Variants in ABI3BP observed in about 807,000 individuals in gnomAD.
ABI3BP encodes ABI family member 3 binding protein, also known as target of Nesh-SH3.
Under a neutral mutation model 268.6 loss-of-function variants are expected in ABI3BP, and 216 were observed. The ratio of observed to expected loss-of-function variants is 0.80; its 90% confidence interval spans 0.72 to 0.90. The LOEUF (loss-of-function observed/expected upper bound fraction) is 0.90, where lower values mean the gene tolerates loss of function less well. Among genes scored for constraint, ABI3BP ranks in the 40% least tolerant of loss-of-function variants. ABI3BP has a pLI of 0.00. For synonymous variants in ABI3BP, 730 were observed against 730.0 expected, an observed-to-expected ratio of 1.00 and a Z score of 0.00; for missense variants, 2,090 against 2,182.4, an observed-to-expected ratio of 0.96 and a Z score of 0.84.
Position 100,926,407 on chromosome 3 carries a change from G to A in ABI3BP, c.154C>T (p.Pro52Ser). Reference protein sequence around the residue: ...SILLKFLRPSPNVKLEGLLLG... With the variant: ...SILLKFLRPSSNVKLEGLLLG... Reference sequence around the variant, plus strand: ...AGAAGACCTTCAAGCTTTACATTTGGACTTGGACGCAAGAACTTCAAGAGG... The same window carrying A: ...AGAAGACCTTCAAGCTTTACATTTGAACTTGGACGCAAGAACTTCAAGAGG... The change falls in exon 2 of 68, where the codon CCA (proline) becomes TCA (serine). Residue 52 changes from proline to serine, a missense_variant. Physicochemically the swap from Pro to Ser is moderately conservative, Grantham distance 74 (BLOSUM62 -1). Coordinates refer to ENST00000471714, the MANE Select transcript of ABI3BP (RefSeq NM_001375547.2). 1 of 1,613,424 alleles carries A rather than the reference G, an allele frequency of 6.2e-7. No homozygotes were observed. Among genetic ancestry groups the A allele is most frequent in the East Asian group, 2.2e-5 (1 of 44,856 alleles).
chr3:100,954,435 G>T (rs1223312870), intron 1 of ABI3BP, among the ~76,000 whole-genome samples: 1 of 151,976 alleles, frequency 6.6e-6, no homozygotes, highest in Non-Finnish European at 1.5e-5. Flanking sequence ...TCAATTTAAG[G>T]CTTATTTTCA....
At chr3:100,865,786 G>A (rs1426034603) in intron 10 of ABI3BP, among the ~76,000 whole-genome samples, 1 of 152,184 alleles carries the variant, frequency 6.6e-6, no homozygotes, top group African/African-American at 2.4e-5. Context: ...GGGAAAGTGG[G>A]TAGAATCTTT....
At chr3:100,978,837 C>T (rs187299752) in intron 1 of ABI3BP, among the ~76,000 whole-genome samples, 1 of 152,306 alleles carries the variant, frequency 6.6e-6, no homozygotes, top group East Asian at 1.9e-4. Flanking sequence ...CATGGTTAAT[C>T]TCATCAGAAT....
chr3:100,795,250 TG>T (rs1295552748), intron 53 of ABI3BP, among the ~76,000 whole-genome samples: 1 of 152,014 alleles, frequency 6.6e-6, no homozygotes, highest in Non-Finnish European at 1.5e-5. Context: ...CTGGTTGAGA[TG>T]GGGTGTGGGT....
At chr3:100,838,504 G>A in intron 24 of ABI3BP, 40 bp from the exon 25 acceptor site, 2 of 1,447,088 alleles carry the variant, frequency 1.4e-6, no homozygotes, top group Non-Finnish European at 1.9e-6. Flanking sequence ...ATGGGTCATG[G>A]CTGTGACTGT....
At chr3:100,821,958 A>C (rs937071078) in intron 38 of ABI3BP, among the ~76,000 whole-genome samples, 4 of 151,844 alleles carry the variant, frequency 2.6e-5, no homozygotes, top group Non-Finnish European at 5.9e-5. Flanking sequence ...GTTGGTCTCT[A>C]CTTGTGTCTT....
At chr3:100,894,080 A>G (rs566525004) in intron 4 of ABI3BP, among the ~76,000 whole-genome samples, 2 of 152,292 alleles carry the variant, frequency 1.3e-5, no homozygotes, top group East Asian at 1.9e-4. Context: ...AAGGTGAGGC[A>G]TGCTTGGATT....
chr3:100,755,172 A>T (rs1000291118), intron 63 of ABI3BP, among the ~76,000 whole-genome samples: 2 of 152,188 alleles, frequency 1.3e-5, no homozygotes, highest in African/African-American at 4.8e-5. Context: ...TCAGAATCAC[A>T]TCATAGGGTG....
chr3:100,913,643 G>A (rs1424480604), intron 2 of ABI3BP, among the ~76,000 whole-genome samples: 1 of 152,088 alleles, frequency 6.6e-6, no homozygotes, highest in African/African-American at 2.4e-5. Flanking sequence ...CATAAGTAAT[G>A]TCAACTTTAC....
At chr3:100,881,573 T>G (rs1374136152) in intron 6 of ABI3BP, among the ~76,000 whole-genome samples, 1 of 152,078 alleles carries the variant, frequency 6.6e-6, no homozygotes, top group African/African-American at 2.4e-5. Flanking sequence ...AGAAAATGTA[T>G]GAAAATATTA....
chr3:100,841,389 T>C (rs1244593342), intron 21 of ABI3BP, among the ~76,000 whole-genome samples: 3 of 151,988 alleles, frequency 2.0e-5, no homozygotes, highest in Non-Finnish European at 4.4e-5. Flanking sequence ...AAATATATCC[T>C]ATGAAAGTCA....
chr3:100,982,387 G>A lies in ABI3BP; in HGVS notation c.79+10919C>T, dbSNP rs191103957. Among the ~76,000 whole-genome samples, 388 of 152,090 alleles carry A rather than the reference G, an allele frequency of 2.6e-3. 1 individual carries two copies. The highest frequency in any genetic ancestry group is 8.9e-3 in the African/African-American group (371 of 41,494). On this transcript the variant is annotated intron_variant, in intron 1 of 67. Coordinates refer to ENST00000471714, the MANE Select transcript of ABI3BP (RefSeq NM_001375547.2). The stretch of plus-strand genomic sequence containing the variant: ...TCAAAAAAATCCATTAATGCCACCC[G>A]AATATTACTTGTTAATGAAAGCTAA...
chr3:100,932,422 G>A (rs1459537028), intron 1 of ABI3BP, among the ~76,000 whole-genome samples: 2 of 152,052 alleles, frequency 1.3e-5, no homozygotes, highest in Non-Finnish European at 2.9e-5. Flanking sequence ...TAGAAAGGGA[G>A]AAAATATTTG....
At chr3:100,972,472 A>C (rs1306113711) in intron 1 of ABI3BP, among the ~76,000 whole-genome samples, 1 of 152,184 alleles carries the variant, frequency 6.6e-6, no homozygotes, top group East Asian at 1.9e-4. Context: ...GTAAAGAAAC[A>C]ATGGAGTTAT....
chr3:100,882,606 G>T (rs554433512), intron 6 of ABI3BP, among the ~76,000 whole-genome samples: 1 of 151,976 alleles, frequency 6.6e-6, no homozygotes, highest in African/African-American at 2.4e-5. Context: ...CCACCTCACA[G>T]CTTGAAGTGA....
chr3:100,841,220 T>TTTTTTG (rs2098695754), intron 21 of ABI3BP, among the ~76,000 whole-genome samples: 11 of 119,548 alleles, frequency 9.2e-5, no homozygotes, highest in Non-Finnish European at 1.4e-4. Flanking sequence ...TTTTTTTTTT[T>TTTTTTG]TTTTTTTGCT....
rs970222408 is a variant in ABI3BP at position 100,811,236 on chromosome 3, T to C, written c.3535A>G (p.Thr1179Ala). Residue 1179 changes from threonine to alanine, a missense_variant, in exon 48 of 68, where the codon ACA (threonine) becomes GCA (alanine). Thr to Ala is a moderately conservative substitution (Grantham distance 58). Transcript: ENST00000471714. ...GGGCTACCGAGGTTATTACCTAGTGTGGTCTCAGGTGGTTCAGATACATAT... is the reference window on the plus strand; with the variant it reads ...GGGCTACCGAGGTTATTACCTAGTGCGGTCTCAGGTGGTTCAGATACATAT... ...ITYVSEPPET[T>A]LETSPLPSQS... The C allele has an allele frequency of 6.5e-7, 1 of 1,533,670 alleles. No individual in the cohort carries two copies. Among genetic ancestry groups the C allele is most frequent in the African/African-American group, 1.4e-5 (1 of 72,876 alleles).
chr3:100,911,194 T>C (rs1583072518), intron 2 of ABI3BP: 2 of 394,236 alleles, frequency 5.1e-6, no homozygotes, highest in East Asian at 6.9e-5. Context: ...TGGACTAGCT[T>C]CAGGAATGTC....
chr3:100,990,125 C>G (rs1335961779), intron 1 of ABI3BP, among the ~76,000 whole-genome samples: 1 of 152,212 alleles, frequency 6.6e-6, no homozygotes, highest in Admixed American at 6.5e-5. Context: ...TTTACCCCAT[C>G]TTTCTGCCAA....
Sources: gnomAD v4.1 joint callset for allele counts (sites outside exome capture counted in the v4.1 genomes callset) on GRCh38, gnomAD v4.1.1 for gene constraint, MANE v1.5 for transcripts, NCBI Gene and HGNC (gene_info 2026-07-23, HGNC 2026-07-21) for gene names.